Variants in GPATCH2 observed in about 807,000 individuals in gnomAD.
GPATCH2 encodes G-patch domain containing 2, also known as G patch domain-containing protein 2.
In GPATCH2, 51 loss-of-function variants were observed where a neutral mutation model predicts 58.0. The ratio of observed to expected loss-of-function variants is 0.88; its 90% CI spans 0.70 to 1.11. The LOEUF is 1.11. GPATCH2 is among the 50% of genes most tolerant of loss of function. The probability of loss-of-function intolerance (pLI) is 0.00; values close to 1 mark genes in which losing one functional copy is unlikely to be tolerated. For synonymous variants in GPATCH2, 222 were observed against 218.5 expected (o/e 1.02, Z -0.14); for missense variants, 625 against 652.2 (o/e 0.96, Z 0.45).
chr1:217,567,045 G>GTT lies in GPATCH2; in HGVS notation c.1098+43275_1098+43276insAA, dbSNP rs549350813. On this transcript the variant is annotated intron_variant, in intron 5 of 9. Transcript: ENST00000366935. The stretch of plus-strand genomic sequence containing the variant: ...CATCACTCAGCAAATATAACTTCTG[G>GTT]CTTTTTTTTTTTTTTTTTGAGACGG... 4.2e-3 allele frequency among the ~76,000 whole-genome samples: 588 copies of GTT among 140,716 alleles called. 17 individuals are homozygous for GTT. The highest frequency in any genetic ancestry group is 0.018 in the East Asian group (85 of 4,742). 92.3% of individuals were successfully genotyped at this position (140,716 alleles called of 152,430 possible).
At chr1:217,516,313 T>TA (rs1360292649) in intron 5 of GPATCH2, among the ~76,000 whole-genome samples, 1 of 152,146 alleles carries the variant, frequency 6.6e-6, no homozygotes, top group Non-Finnish European at 1.5e-5. Context: ...AAATTCCTCT[T>TA]AAAAAAACCC....
chr1:217,486,978 C>A lies in GPATCH2; in HGVS notation c.1277+4702G>T, dbSNP rs77318946. On this transcript the variant is annotated intron_variant, in intron 8 of 9. Transcript: ENST00000366935. The stretch of plus-strand genomic sequence containing the variant: ...AGTTTATTTCAGAAAACACTTAGAC[C>A]AGAGGTCTGAGTCTTTGTGTGGGGC... 2.8e-3 allele frequency among the ~76,000 whole-genome samples: 422 copies of A among 152,246 alleles called. 8 individuals are homozygous for A. The East Asian group carries it at 0.049, about 18-fold the overall frequency.
intron 8 of GPATCH2, among the ~76,000 whole-genome samples, chr1:217,471,072 AG>A (rs950351962): frequency 6.6e-5 from 10 of 151,974 alleles, no homozygotes; most frequent in African/African-American, 2.2e-4. Flanking sequence ...TTAGTTTAAA[AG>A]CAGTTTTAAA....
At chr1:217,498,249 G>T in intron 7 of GPATCH2, 107 bp downstream of exon 7, 1 of 858,398 alleles carries the variant, frequency 1.2e-6, no homozygotes, top group Non-Finnish European at 2.0e-6. Context: ...TAAAATGAGC[G>T]GGGATTTGTA....
At chr1:217,564,120 A>G (rs1666080120) in intron 5 of GPATCH2, among the ~76,000 whole-genome samples, 1 of 151,832 alleles carries the variant, frequency 6.6e-6, no homozygotes, top group Non-Finnish European at 1.5e-5. Context: ...TTGAAGACAG[A>G]AAGGAATGTT....
intron 5 of GPATCH2, among the ~76,000 whole-genome samples, chr1:217,517,180 A>C (rs769699324): frequency 6.6e-6 from 1 of 152,220 alleles, no homozygotes; most frequent in Non-Finnish European, 1.5e-5. Flanking sequence ...TAGATACTTA[A>C]ATAATTTTAC....
chr1:217,504,314 T>G (rs772015375), intron 6 of GPATCH2, among the ~76,000 whole-genome samples: 1 of 152,152 alleles, frequency 6.6e-6, no homozygotes, highest in Non-Finnish European at 1.5e-5. Context: ...TTGGGCAGCC[T>G]GTTGAACTCA....
chr1:217,566,992 T>G (rs554926353), intron 5 of GPATCH2, among the ~76,000 whole-genome samples: 2 of 152,256 alleles, frequency 1.3e-5, no homozygotes, highest in Non-Finnish European at 2.9e-5. Context: ...TAAAAGGTTT[T>G]TTTATGGCTA....
chr1:217,498,383 G>GCTAA lies in GPATCH2; in HGVS notation c.1175_1178dup (p.Pro394Ter). 1 of 1,612,868 alleles carries GCTAA rather than the reference G, an allele frequency of 6.2e-7. No individual in the cohort carries two copies. The highest frequency in any genetic ancestry group is 1.3e-5 in the African/African-American group (1 of 75,022). On this transcript the variant is annotated stop_gained and frameshift_variant, in exon 7 of 10. Transcript: ENST00000366935. LOFTEE classifies it high-confidence loss of function. ...GGTCATGCTCTGTCCTAGCCCCAGGGCTAAACCAATGGCTGCAGAGGAAAG... is the reference window on the plus strand; with the variant it reads ...GGTCATGCTCTGTCCTAGCCCCAGGGCTAACTAAACCAATGGCTGCAGAGGAAAG...
chr1:217,508,199 T>C (rs1034618080), intron 6 of GPATCH2, among the ~76,000 whole-genome samples: 6 of 152,156 alleles, frequency 3.9e-5, no homozygotes, highest in Non-Finnish European at 7.4e-5. Flanking sequence ...GTATTTCTTA[T>C]TTATCTCAGT....
intron 9 of GPATCH2, among the ~76,000 whole-genome samples, chr1:217,438,265 G>C (rs1362133930): frequency 1.3e-5 from 2 of 152,076 alleles, no homozygotes; most frequent in African/African-American, 4.8e-5. Context: ...ATAAATCCAC[G>C]AAGATGAAGA....
intron 5 of GPATCH2, among the ~76,000 whole-genome samples, chr1:217,583,961 C>T (rs954163951): frequency 6.6e-5 from 10 of 151,942 alleles, no homozygotes; most frequent in African/African-American, 2.4e-4. Context: ...AAGCTAGTTT[C>T]AGATTTAAAA....
Position 217,428,903 on chromosome 1 carries a change from T to C in GPATCH2, c.*2242A>G, listed in dbSNP as rs959544252. The C allele has an allele frequency of 6.6e-6, 1 of 152,182 alleles. No individual in the cohort carries two copies. The highest frequency in any genetic ancestry group is 1.5e-5 in the Non-Finnish European group (1 of 68,028). 9.4% of individuals were successfully genotyped at this position (152,182 alleles called of 1,614,324 possible). ...ATTTAATGAAGAAGTTCCTATACAC[T>C]AGTCTGGTGTATATACTGCTCTTCT... On this transcript the variant is annotated 3_prime_UTR_variant, in exon 10 of 10. Transcript: ENST00000366935.
Position 217,449,299 on chromosome 1 carries a change from T to C in GPATCH2, c.1316A>G (p.Asp439Gly), listed in dbSNP as rs1659546318. 3.1e-6 allele frequency: 5 copies of C among 1,609,952 alleles called. No homozygotes were observed. The highest frequency in any genetic ancestry group is 1.3e-5 in the African/African-American group (1 of 74,920). ...SMHLGSLCTG[D>G]IKRRRKAAPL... ...TGCAGCTTTTCTTCTCCGTTTGATA[T>C]CTCCCGTGCATAAGGATCCTAAATG... Residue 439 changes from aspartate (D) to glycine (G), a missense_variant, in exon 9 of 10, where the codon GAT (aspartate) becomes GGT (glycine). Asp to Gly is a moderately conservative substitution (Grantham distance 94, BLOSUM62 -1). Transcript: ENST00000366935.
In GPATCH2 at chr1:217,619,921, C is replaced by A. The variant is rs3210309; in HGVS notation, c.635G>T (p.Arg212Ile). Reference protein sequence around the residue: ...QEFTKNKVKKRKLKIIRQGPK... With the variant: ...QEFTKNKVKKIKLKIIRQGPK... Reference sequence around the variant, plus strand: ...TCCTTGTCTGATTATTTTCAACTTTCTTTTTTTGACTTTGTTCTTGGTAAA... The same window carrying A: ...TCCTTGTCTGATTATTTTCAACTTTATTTTTTTGACTTTGTTCTTGGTAAA... The change falls in exon 2 of 10, where the codon AGA becomes ATA. Residue 212 changes from arginine to isoleucine, a missense_variant. Transcript: ENST00000366935. The A allele has an allele frequency of 9.3e-6, 15 of 1,613,748 alleles. No homozygotes were observed. Among genetic ancestry groups the A allele is most frequent in the Admixed American group, 3.3e-5 (2 of 59,948 alleles).
In GPATCH2 at chr1:217,611,043, G is replaced by A. The variant is rs763139165; in HGVS notation, c.864C>T (p.Tyr288=). The A allele has an allele frequency of 2.1e-5, 34 of 1,612,764 alleles. No homozygotes were observed. The East Asian group carries it at 3.6e-4, about 17-fold the overall frequency. Residue 288 remains tyrosine (Y), a synonymous_variant, in exon 4 of 10, where the codon TAC becomes TAT. Transcript: ENST00000366935. ...CACATGCTCCACCTGATTCCTTTTC[G>A]TAGAACCAGTCACTCTGTTCATCAT... ...QGDDEQSDWF[Y]EKESGGACGI...
At chr1:217,545,318 A>G (rs1244589068) in intron 5 of GPATCH2, among the ~76,000 whole-genome samples, 1 of 152,208 alleles carries the variant, frequency 6.6e-6, no homozygotes, top group Non-Finnish European at 1.5e-5. Context: ...CCGTCAATGG[A>G]CAAGCACTAC....
chr1:217,468,360 A>G (rs138589939), intron 8 of GPATCH2, among the ~76,000 whole-genome samples: 2 of 152,324 alleles, frequency 1.3e-5, no homozygotes, highest in East Asian at 3.9e-4. Context: ...TCAGTTCTCT[A>G]GATGTAAATA....
chr1:217,610,478 G>T, intron 4 of GPATCH2, 78 bp from the exon 5 acceptor site: 1 of 843,616 alleles, frequency 1.2e-6, no homozygotes, highest in Non-Finnish European at 1.9e-6. Context: ...CCTATCAATA[G>T]AGAAAGAAAA....
Sources: gnomAD v4.1 joint callset for allele counts (sites outside exome capture counted in the v4.1 genomes callset) on GRCh38, gnomAD v4.1.1 for gene constraint, MANE v1.5 for transcripts, NCBI Gene and HGNC (gene_info 2026-07-23, HGNC 2026-07-21) for gene names.